ARHGEF25: variants seen among roughly 807,000 people sequenced by gnomAD.
The protein encoded by ARHGEF25 is RAC/CDC42 exchange factor.
Under a neutral mutation model 74.0 loss-of-function variants are expected in ARHGEF25, and 42 were observed. The observed-to-expected ratio is 0.57, with a 90% CI of 0.44 to 0.73. ARHGEF25 has a LOEUF of 0.73. ARHGEF25 is among the 30% of genes least tolerant of loss of function. ARHGEF25 has a pLI of 0.00. For missense variants in ARHGEF25, 645 were observed against 725.5 expected (o/e 0.89, Z 1.27); for synonymous variants, 293 against 278.6 (o/e 1.05, Z -0.51).
At chr12:57,612,239 C>G (rs1183664903) in intron 1 of ARHGEF25, 2 of 281,014 alleles carry the variant, frequency 7.1e-6, no homozygotes, top group Non-Finnish European at 1.3e-5. Flanking sequence ...AAAAACCCAC[C>G]CACAATCCCC....
At position 57,615,341 on chromosome 12, in the gene ARHGEF25, G is replaced by A. The variant is rs1884236300; in HGVS notation, c.1038+27G>A. On this transcript the variant is annotated intron_variant, in intron 11 of 14. Transcript: ENST00000286494. ...TACGGAGATAGGGCAAGAAACTGGA[G>A]GCCCGATGCTCTTCTGCCCCAGCCC... is the stretch of plus-strand genomic sequence containing the variant. 3 of 1,591,250 alleles carry A rather than the reference G, an allele frequency of 1.9e-6. No homozygotes were observed. In the East Asian group the frequency reaches 6.7e-5, roughly 36 times the overall value.
chr12:57,610,621 C>G, upstream of ARHGEF25: 1 of 1,612,134 alleles, frequency 6.2e-7, no homozygotes, highest in Non-Finnish European at 8.5e-7. Flanking sequence ...AGAGTCTGAA[C>G]GTACGGAGGG....
At position 57,614,655 on chromosome 12, in the gene ARHGEF25, C is replaced by T; in HGVS notation, c.817-34C>T. 1.9e-6 allele frequency: 3 copies of T among 1,613,658 alleles called. No individual in the cohort carries two copies. Among genetic ancestry groups the T allele is most frequent in the Non-Finnish European group, 2.5e-6 (3 of 1,179,806 alleles). On this transcript the variant is annotated intron_variant, in intron 8 of 14. Coordinates refer to ENST00000286494, the MANE Select transcript of ARHGEF25 (RefSeq NM_182947.4). The surrounding 1 kb of genome is among the most constrained non-coding windows in gnomAD (Gnocchi z 4.6). ...GGAAGGAGGACAGAACTGGGGCTTT[C>T]CAGGCTGCATAACCACCCTGTCCCT...
chr12:57,612,827 A>G, intron 1 of ARHGEF25, 103 bp from the exon 2 acceptor site: 1 of 1,518,356 alleles, frequency 6.6e-7, no homozygotes, highest in Non-Finnish European at 8.8e-7. Flanking sequence ...CCTTGGAGAG[A>G]GAGGCTGAGC....
intron 1 of ARHGEF25, chr12:57,612,209 C>T: frequency 3.0e-6 from 1 of 329,132 alleles, no homozygotes; most frequent in Non-Finnish European, 5.4e-6. Context: ...ATCTCTTTCC[C>T]TTTGTCAAAT....
In ARHGEF25 at chr12:57,613,482, G is replaced by A; in HGVS notation, c.451G>A (p.Glu151Lys). 3 of 1,614,250 alleles carry A rather than the reference G, an allele frequency of 1.9e-6. No homozygotes were observed. Among genetic ancestry groups the A allele is most frequent in the Non-Finnish European group, 2.5e-6 (3 of 1,180,042 alleles). Residue 151 changes from glutamate to lysine, a missense_variant, in exon 4 of 15, where the codon GAG (glutamate) becomes AAG (lysine). Coordinates refer to ENST00000286494, the MANE Select transcript of ARHGEF25 (RefSeq NM_182947.4). ...ETLSQAPESE[E>K]EQKKKALERS... is the part of the protein sequence containing the mutation. ...TTTGTCCCAAGCCCCTGAGAGTGAG[G>A]AGGAACAGAAGAAGAAGGCTCTGGA...
At chr12:57,610,950 A>C (rs1884014083), upstream of ARHGEF25, among the ~76,000 whole-genome samples, 1 of 152,064 alleles carries the variant, frequency 6.6e-6, no homozygotes, top group Non-Finnish European at 1.5e-5. Context: ...TTAATTGGCG[A>C]TTAGTCTTAG....
Position 57,612,816 on chromosome 12 carries a change from C to T in ARHGEF25, c.98-114C>T, listed in dbSNP as rs1429140409. The T allele has an allele frequency of 1.5e-5, 22 of 1,512,044 alleles. No individual in the cohort carries two copies. In the East Asian group the frequency reaches 3.6e-4, roughly 25 times the overall value. The allele number at this position is 1,512,044 out of a possible 1,614,324, so 93.7% of individuals were successfully genotyped here. A position where few individuals can be genotyped will look rare whatever the true frequency, so the allele number is the denominator to read the frequency against. ...CAAATGAGGATGGCAAGAGAGTGAG[C>T]CCTTGGAGAGAGAGGCTGAGCATCA... On this transcript the variant is annotated intron_variant, in intron 1 of 14. Coordinates refer to ENST00000286494, the MANE Select transcript of ARHGEF25 (RefSeq NM_182947.4).
At chr12:57,615,123 G>A (rs1005061815) in intron 10 of ARHGEF25, 106 bp downstream of exon 10, 2 of 1,565,344 alleles carry the variant, frequency 1.3e-6, no homozygotes, top group African/African-American at 2.7e-5. Flanking sequence ...TGGTTTTTAG[G>A]GGGAGGCTGG....
intron 4 of ARHGEF25, 64 bp downstream of exon 4, chr12:57,613,580 G>T: frequency 6.2e-7 from 1 of 1,612,564 alleles, no homozygotes; most frequent in Non-Finnish European, 8.5e-7. Flanking sequence ...TCACATTTTA[G>T]ATGGAATTTC....
upstream of ARHGEF25, among the ~76,000 whole-genome samples, chr12:57,611,248 C>T (rs889666017): frequency 6.6e-6 from 1 of 151,764 alleles, no homozygotes; most frequent in African/African-American, 2.4e-5. This position sits in a 1 kb window ranked among gnomAD's most constrained non-coding sequence, Gnocchi z 4.5. Context: ...AGGGGGACCC[C>T]GGGGCAGGGG....
chr12:57,614,993 T>C lies in ARHGEF25; in HGVS notation c.936T>C (p.Ala312=), dbSNP rs1884218685. 3 of 1,613,998 alleles carry C rather than the reference T, an allele frequency of 1.9e-6. No individual in the cohort carries two copies. The highest frequency in any genetic ancestry group is 2.5e-6 in the Non-Finnish European group (3 of 1,180,016). The change falls in exon 10 of 15, where the codon GCT becomes GCC. Residue 312 remains alanine (A), a synonymous_variant. Coordinates refer to ENST00000286494, the MANE Select transcript of ARHGEF25 (RefSeq NM_182947.4). The surrounding 1 kb of genome is among the most constrained non-coding windows in gnomAD (Gnocchi z 4.6). ...ATTTTCTCAAGTATTACAATAGAGC[T>C]GGGATGGATACTGCAGACCTAGAGG... The part of the protein sequence containing the change: ...LKDFLKYYNR[A]GMDTADLEQA...
At position 57,614,480 on chromosome 12, in the gene ARHGEF25, C is replaced by T. The variant is rs764154615; in HGVS notation, c.727-36C>T. 1 of 1,613,784 alleles carries T rather than the reference C, an allele frequency of 6.2e-7. No homozygotes were observed. Among genetic ancestry groups the T allele is most frequent in the Non-Finnish European group, 8.5e-7 (1 of 1,179,868 alleles). On this transcript the variant is annotated intron_variant, in intron 7 of 14. Transcript: ENST00000286494. The surrounding 1 kb of genome is among the most constrained non-coding windows in gnomAD (Gnocchi z 4.6). ...TCTGGAGATGCGTCCTCCCTCCTTG[C>T]CCACCCTGCTCTCTCTTAAACATTA...
At position 57,614,510 on chromosome 12, in the gene ARHGEF25, T is replaced by A; in HGVS notation, c.727-6T>A. On this transcript the variant is annotated splice_polypyrimidine_tract_variant and splice_region_variant and intron_variant, in intron 7 of 14. Coordinates refer to ENST00000286494, the MANE Select transcript of ARHGEF25 (RefSeq NM_182947.4). This position sits in a 1 kb window ranked among gnomAD's most constrained non-coding sequence, Gnocchi z 4.6. ...CCTGCTCTCTCTTAAACATTACCCC[T>A]GTTAGGAGCGCCGGCTGCATATGTA... 1 of 1,614,050 alleles carries A rather than the reference T, an allele frequency of 6.2e-7. No homozygotes were observed.
At position 57,616,454 on chromosome 12, in the gene ARHGEF25, A is replaced by G. The variant is rs1565728867; in HGVS notation, c.1591A>G (p.Lys531Glu). ...TCTCCCCTCTCTGCTGCTGTCACCC[A>G]AAGGGGAGGTGGCCAGAGCCCTCTT... The part of the protein sequence containing the change: ...GSLPSLLLSP[K>E]GEVARALLPL... The change falls in exon 14 of 15, where the codon AAA becomes GAA. Residue 531 changes from lysine (K) to glutamate (E), a missense_variant. Physicochemically the swap from Lys to Glu is moderately conservative, Grantham distance 56. This residue lies in a region of ARHGEF25 where 262 missense variants were observed against 256.9 expected (regional missense o/e 1.02). Coordinates refer to ENST00000286494, the MANE Select transcript of ARHGEF25 (RefSeq NM_182947.4). 1.9e-6 allele frequency: 3 copies of G among 1,614,134 alleles called. No homozygotes were observed. Among genetic ancestry groups the G allele is most frequent in the Non-Finnish European group, 1.7e-6 (2 of 1,180,024 alleles).
Position 57,611,840 on chromosome 12 carries a change from G to T in ARHGEF25, c.-55G>T, listed in dbSNP as rs1010256591. On this transcript the variant is annotated 5_prime_UTR_variant, in exon 1 of 15. Transcript: ENST00000286494. The surrounding 1 kb of genome is among the most constrained non-coding windows in gnomAD (Gnocchi z 4.5). Reference sequence around the variant, plus strand: ...CGGCGCCGTCCCCGCCCCGCCCCCCGTGATTCCCCCTGCATGGCCGGCCCG... The same window carrying T: ...CGGCGCCGTCCCCGCCCCGCCCCCCTTGATTCCCCCTGCATGGCCGGCCCG... 1 of 1,203,158 alleles carries T rather than the reference G, an allele frequency of 8.3e-7. No individual in the cohort carries two copies. The highest frequency in any genetic ancestry group is 1.0e-6 in the Non-Finnish European group (1 of 953,682). The allele number at this position is 1,203,158 out of a possible 1,614,324, so 74.5% of individuals were successfully genotyped here.
chr12:57,615,802 G>T, intron 12 of ARHGEF25, 35 bp from the exon 13 acceptor site: 2 of 1,612,400 alleles, frequency 1.2e-6, no homozygotes, highest in Middle Eastern at 1.7e-4. Context: ...GAGGGCCTGA[G>T]GAATCTGGGG....
chr12:57,616,239 C>A (rs202138795), intron 13 of ARHGEF25, 45 bp from the exon 14 acceptor site: 3 of 1,568,972 alleles, frequency 1.9e-6, no homozygotes, highest in Non-Finnish European at 2.6e-6. Context: ...AGGGAGCAGA[C>A]CTGTCTCTGC....
chr12:57,610,159 GC>G, upstream of ARHGEF25: 8 of 954,016 alleles, frequency 8.4e-6, no homozygotes, highest in Non-Finnish European at 9.5e-6. Context: ...AGGCCTCAAA[GC>G]CCCCCAGCTT....
Sources: allele counts gnomAD v4.1 joint callset (sites outside exome capture counted in the v4.1 genomes callset), GRCh38; gene constraint gnomAD v4.1.1; regional missense constraint gnomAD v4.1.1; non-coding constraint Gnocchi (gnomAD v3.1); transcripts MANE v1.5; gene names NCBI Gene and HGNC (gene_info 2026-07-23, HGNC 2026-07-21).